PCDHGB1: variants seen among roughly 807,000 people sequenced by gnomAD.
PCDHGB1 encodes protocadherin gamma subfamily B, 1, also known as protocadherin gamma-B1.
PCDHGB1 carries 34 observed loss-of-function variants against 56.6 expected under a neutral mutation model. That is an observed-to-expected ratio of 0.60 (90% CI 0.46 to 0.80). The LOEUF is 0.80. PCDHGB1 is among the 30% of genes least tolerant of loss of function. PCDHGB1 has a pLI of 0.00. For missense variants in PCDHGB1, 1,278 were observed against 1,204.6 expected (o/e 1.06, Z -0.90); for synonymous variants, 561 against 505.9 (o/e 1.11, Z -1.46).
intron 1 of PCDHGB1, chr5:141,393,237 AT>A: frequency 1.2e-6 from 2 of 1,613,802 alleles, no homozygotes; most frequent in South Asian, 1.1e-5. Flanking sequence ...AGAAGTAAAA[AT>A]TAACGAAATC....
At chr5:141,360,595 C>T (rs972371698) in intron 1 of PCDHGB1, 2 of 1,614,020 alleles carry the variant, frequency 1.2e-6, no homozygotes, top group African/African-American at 1.3e-5. Context: ...AACATTTCCA[C>T]TTGACCCAGC....
At chr5:141,449,080 A>G (rs2098627421) in intron 1 of PCDHGB1, among the ~76,000 whole-genome samples, 1 of 152,198 alleles carries the variant, frequency 6.6e-6, no homozygotes, top group Non-Finnish European at 1.5e-5. Context: ...CCCTGTACCT[A>G]CATCAGTTTT....
chr5:141,494,528 G>A lies in PCDHGB1; in HGVS notation c.2410-279G>A, dbSNP rs189993899. On this transcript the variant is annotated intron_variant, in intron 1 of 3. Coordinates refer to ENST00000523390, the MANE Select transcript of PCDHGB1 (RefSeq NM_018922.3). ...ATTTTGGCTCAGGAGTTCTGACTCTGGGGGCAGGGAGGAAGGGGCCATTTC... is the reference window on the plus strand; with the variant it reads ...ATTTTGGCTCAGGAGTTCTGACTCTAGGGGCAGGGAGGAAGGGGCCATTTC... 3.0e-4 allele frequency among the ~76,000 whole-genome samples: 45 copies of A among 152,274 alleles called. 1 individual carries two copies. Among genetic ancestry groups the A allele is most frequent in the African/African-American group, 1.0e-3 (42 of 41,542 alleles).
chr5:141,494,434 T>A (rs976526647), intron 1 of PCDHGB1, among the ~76,000 whole-genome samples: 2 of 152,166 alleles, frequency 1.3e-5, no homozygotes, highest in Middle Eastern at 3.2e-3. Flanking sequence ...AAAAGCCTCC[T>A]TTGCCACTTT....
At chr5:141,390,107 C>G (rs778685705) in intron 1 of PCDHGB1, 19 of 1,614,066 alleles carry the variant, frequency 1.2e-5, no homozygotes, top group Non-Finnish European at 1.6e-5. Context: ...CCCCCAACTA[C>G]AGCGAGGGGA....
chr5:141,467,057 T>TG, intron 1 of PCDHGB1, among the ~76,000 whole-genome samples: 1 of 144,752 alleles, frequency 6.9e-6, no homozygotes, highest in Non-Finnish European at 1.5e-5. Context: ...AATGTTTTCT[T>TG]TTTTTTTTTT....
Position 141,475,033 on chromosome 5 carries a change from A to G in PCDHGB1, c.2410-19774A>G, listed in dbSNP as rs1223709259. 2.0e-5 allele frequency among the ~76,000 whole-genome samples: 3 copies of G among 152,362 alleles called. No individual in the cohort carries two copies. In the East Asian group the frequency reaches 5.8e-4, roughly 29 times the overall value. ...TTAAGGCTCTTTATTCTGTGACTAA[A>G]GGCTTTGTATTTTCTAAAGATTTGT... is the stretch of plus-strand genomic sequence containing the variant. On this transcript the variant is annotated intron_variant, in intron 1 of 3. Transcript: ENST00000523390.
intron 1 of PCDHGB1, chr5:141,383,931 T>G: frequency 6.2e-7 from 1 of 1,613,818 alleles, no homozygotes. Flanking sequence ...ATGATAATGC[T>G]CCAGAAGTGA....
At chr5:141,402,491 A>T (rs1186098298) in intron 1 of PCDHGB1, among the ~76,000 whole-genome samples, 1 of 152,242 alleles carries the variant, frequency 6.6e-6, no homozygotes, top group Non-Finnish European at 1.5e-5. Flanking sequence ...TCTACCAAGA[A>T]TAAGAATAAA....
chr5:141,494,198 C>T (rs1383940298), intron 1 of PCDHGB1, among the ~76,000 whole-genome samples: 8 of 152,158 alleles, frequency 5.3e-5, no homozygotes, highest in African/African-American at 1.7e-4. Context: ...TTGGATGCCC[C>T]GCAAAGGCCC....
At chr5:141,405,442 C>A in intron 1 of PCDHGB1, 1 of 1,378,146 alleles carries the variant, frequency 7.3e-7, no homozygotes, top group Non-Finnish European at 1.0e-6. Context: ...GTTTTTGAGA[C>A]AGAGTCTTAC....
chr5:141,410,342 C>T (rs772070270), intron 1 of PCDHGB1: 12 of 1,613,946 alleles, frequency 7.4e-6, no homozygotes, highest in Non-Finnish European at 9.3e-6. Flanking sequence ...CATTGCCTTG[C>T]GCCTGCGACG....
chr5:141,421,617 C>T, intron 1 of PCDHGB1: 3 of 1,613,768 alleles, frequency 1.9e-6, no homozygotes, highest in African/African-American at 1.3e-5. Context: ...TTAATGATAA[C>T]GCCCCCAGCT....
intron 1 of PCDHGB1, among the ~76,000 whole-genome samples, chr5:141,352,907 G>T (rs1759141037): frequency 6.6e-6 from 1 of 152,226 alleles, no homozygotes; most frequent in Non-Finnish European, 1.5e-5. Context: ...AGGATCGCTT[G>T]AGCCCGGGAG....
chr5:141,374,191 C>G lies in PCDHGB1; in HGVS notation c.2409+21522C>G, dbSNP rs780279453. On this transcript the variant is annotated intron_variant, in intron 1 of 3. Coordinates refer to ENST00000523390, the MANE Select transcript of PCDHGB1 (RefSeq NM_018922.3). ...CAGCGCAGATCCGCTACTCTATTCC[C>G]GAGGAGCTGGAGAAAGGCTCCTTCG... The G allele has an allele frequency of 6.2e-6, 10 of 1,613,664 alleles. No homozygotes were observed. In the Admixed American group the frequency reaches 1.5e-4, roughly 24 times the overall value.
rs1369501221 is a variant in PCDHGB1 at position 141,493,257 on chromosome 5, A to G, written c.2410-1550A>G. On this transcript the variant is annotated intron_variant, in intron 1 of 3. Coordinates refer to ENST00000523390, the MANE Select transcript of PCDHGB1 (RefSeq NM_018922.3). The surrounding 1 kb of genome is among the most constrained non-coding windows in gnomAD (Gnocchi z 4.3). ...GGCTAGGTACTAACATGCCTCTCTT[A>G]TAACAGCTTCACAGAGGTCAAGTGA... Among the ~76,000 whole-genome samples the G allele has an allele frequency of 6.6e-6, 1 of 152,190 alleles. No individual in the cohort carries two copies. Among genetic ancestry groups the G allele is most frequent in the South Asian group, 2.1e-4 (1 of 4,830 alleles).
chr5:141,509,699 C>T (rs779592471), intron 3 of PCDHGB1, among the ~76,000 whole-genome samples: 4 of 152,168 alleles, frequency 2.6e-5, no homozygotes, highest in Non-Finnish European at 5.9e-5. Flanking sequence ...GGACGTTGGA[C>T]TGGAGGTGCT....
At position 141,357,430 on chromosome 5, in the gene PCDHGB1, G is replaced by A. The variant is rs772627679; in HGVS notation, c.2409+4761G>A. ...GCCTGCCTCGCACTTTGTGGGCGTG[G>A]ACGGGGTTCGGGCTTTCCTGCAGAC... is the stretch of plus-strand genomic sequence containing the variant. On this transcript the variant is annotated intron_variant, in intron 1 of 3. Coordinates refer to ENST00000523390, the MANE Select transcript of PCDHGB1 (RefSeq NM_018922.3). 25 of 1,614,218 alleles carry A rather than the reference G, an allele frequency of 1.5e-5. No individual in the cohort carries two copies. The South Asian group carries it at 2.6e-4, about 17-fold the overall frequency.
At chr5:141,394,150 A>G in intron 1 of PCDHGB1, 3 of 1,613,916 alleles carry the variant, frequency 1.9e-6, no homozygotes, top group East Asian at 2.2e-5. Context: ...GCAGACATTA[A>G]CGACAACCCT....
Sources: allele counts gnomAD v4.1 joint callset (sites outside exome capture counted in the v4.1 genomes callset), GRCh38; gene constraint gnomAD v4.1.1; non-coding constraint Gnocchi (gnomAD v3.1); transcripts MANE v1.5; gene names NCBI Gene and HGNC (gene_info 2026-07-23, HGNC 2026-07-21).